Variants in PCDHGB3 observed in about 807,000 individuals in gnomAD.
The protein encoded by PCDHGB3 is protocadherin gamma subfamily B, 3.
PCDHGB3 carries 40 observed loss-of-function variants against 59.2 expected under a neutral mutation model. That is an observed-to-expected ratio of 0.68 (90% CI 0.52 to 0.88). PCDHGB3 has a LOEUF of 0.88. Among genes scored for constraint, PCDHGB3 ranks in the 40% least tolerant of loss-of-function variants. PCDHGB3 has a pLI of 0.00. For missense variants in PCDHGB3, 1,309 were observed against 1,187.9 expected (o/e 1.10, Z -1.50); for synonymous variants, 581 against 503.6 (o/e 1.15, Z -2.06).
Position 141,481,350 on chromosome 5 carries a change from T to C in PCDHGB3, c.2416-13457T>C, listed in dbSNP as rs901892475. Among the ~76,000 whole-genome samples, 4 of 152,248 alleles carry C rather than the reference T, an allele frequency of 2.6e-5. No homozygotes were observed. The South Asian group carries it at 8.3e-4, about 32-fold the overall frequency. On this transcript the variant is annotated intron_variant, in intron 1 of 3. Coordinates refer to ENST00000576222, the MANE Select transcript of PCDHGB3 (RefSeq NM_018924.5). The stretch of plus-strand genomic sequence containing the variant: ...CCTGGACAACTATTATTTAAACATC[T>C]ACAGCTGTTCAATAGATATTGGGTT...
In PCDHGB3 at chr5:141,490,654, C is replaced by A; in HGVS notation, c.2416-4153C>A. On this transcript the variant is annotated intron_variant, in intron 1 of 3. Transcript: ENST00000576222. The surrounding 1 kb of genome is among the most constrained non-coding windows in gnomAD (Gnocchi z 5.4). ...CCTAGAAAACCGGCCTCCGGGCTCC[C>A]TTCTTTGCACTGTGGCTGCCTCAGA... 6.2e-7 allele frequency: 1 copy of A among 1,614,206 alleles called. No individual in the cohort carries two copies. Among genetic ancestry groups the A allele is most frequent in the Non-Finnish European group, 8.5e-7 (1 of 1,180,014 alleles).
In PCDHGB3 at chr5:141,485,701, A is replaced by G. The variant is rs747748476; in HGVS notation, c.2416-9106A>G. The G allele has an allele frequency of 1.9e-6, 3 of 1,614,104 alleles. No homozygotes were observed. Among genetic ancestry groups the G allele is most frequent in the Non-Finnish European group, 2.5e-6 (3 of 1,180,010 alleles). On this transcript the variant is annotated intron_variant, in intron 1 of 3. Transcript: ENST00000576222. The surrounding 1 kb of genome is among the most constrained non-coding windows in gnomAD (Gnocchi z 5.7). ...GCAGCTATAGGCTGAGCTCCAATGAACACTTTGCACTGGATGTGAAGAAGC... is the reference window on the plus strand; with the variant it reads ...GCAGCTATAGGCTGAGCTCCAATGAGCACTTTGCACTGGATGTGAAGAAGC...
At chr5:141,481,472 A>G (rs2099538174) in intron 1 of PCDHGB3, among the ~76,000 whole-genome samples, 1 of 152,246 alleles carries the variant, frequency 6.6e-6, no homozygotes, top group Non-Finnish European at 1.5e-5. Context: ...CCATTGGATT[A>G]TACACTTTAA....
intron 1 of PCDHGB3, chr5:141,418,003 G>T (rs1441842557): frequency 6.2e-7 from 1 of 1,613,798 alleles, no homozygotes; most frequent in Non-Finnish European, 8.5e-7. Context: ...CGGTGGTGGG[G>T]AACCTCGCTA....
intron 1 of PCDHGB3, chr5:141,409,795 G>A (rs764584425): frequency 1.2e-6 from 2 of 1,611,722 alleles, no homozygotes; most frequent in Admixed American, 1.7e-5. Context: ...TCGCGCTCAC[G>A]CTGCAGGCCC....
chr5:141,484,242 A>G (rs995022030), intron 1 of PCDHGB3, among the ~76,000 whole-genome samples: 1 of 152,216 alleles, frequency 6.6e-6, no homozygotes, highest in African/African-American at 2.4e-5. Flanking sequence ...TCTGGTCCTT[A>G]GCACCTCCCA....
At chr5:141,407,117 C>T (rs1412216570) in intron 1 of PCDHGB3, among the ~76,000 whole-genome samples, 1 of 152,098 alleles carries the variant, frequency 6.6e-6, no homozygotes, top group African/African-American at 2.4e-5. Flanking sequence ...ATTTGGGTTT[C>T]AGTTGCTTTA....
intron 1 of PCDHGB3, among the ~76,000 whole-genome samples, chr5:141,442,810 T>C (rs2098345227): frequency 6.6e-6 from 1 of 152,222 alleles, no homozygotes; most frequent in Non-Finnish European, 1.5e-5. Context: ...ATTCAAATTG[T>C]ACTGATCCAA....
At position 141,487,344 on chromosome 5, in the gene PCDHGB3, C is replaced by T. The variant is rs1232854025; in HGVS notation, c.2416-7463C>T. On this transcript the variant is annotated intron_variant, in intron 1 of 3. Coordinates refer to ENST00000576222, the MANE Select transcript of PCDHGB3 (RefSeq NM_018924.5). This position sits in a 1 kb window ranked among gnomAD's most constrained non-coding sequence, Gnocchi z 5.0. ...CTTCGTGGGGCAGCCTGTGGAGTCA[C>T]ATGCTTTCCTGCTGGCACCTGTGCC... 3 of 1,614,208 alleles carry T rather than the reference C, an allele frequency of 1.9e-6. No individual in the cohort carries two copies. The highest frequency in any genetic ancestry group is 3.3e-5 in the Admixed American group (2 of 60,024).
intron 1 of PCDHGB3, chr5:141,422,145 G>A: frequency 1.3e-6 from 2 of 1,580,726 alleles, no homozygotes; most frequent in Non-Finnish European, 8.6e-7. Context: ...AAGTACGGGG[G>A]TCTCTGGATT....
rs774271747 is a variant in PCDHGB3 at position 141,485,866 on chromosome 5, C to A, written c.2416-8941C>A. On this transcript the variant is annotated intron_variant, in intron 1 of 3. Coordinates refer to ENST00000576222, the MANE Select transcript of PCDHGB3 (RefSeq NM_018924.5). The surrounding 1 kb of genome is among the most constrained non-coding windows in gnomAD (Gnocchi z 5.7). Reference sequence around the variant, plus strand: ...CTGGCACCGCAGAGCTCCGGGTATCCGTGCTGGACGTAAACGACAACGCCC... The same window carrying A: ...CTGGCACCGCAGAGCTCCGGGTATCAGTGCTGGACGTAAACGACAACGCCC... 2 of 1,614,144 alleles carry A rather than the reference C, an allele frequency of 1.2e-6. No homozygotes were observed. Among genetic ancestry groups the A allele is most frequent in the South Asian group, 1.1e-5 (1 of 91,074 alleles).
rs1036126623 is a variant in PCDHGB3 at position 141,410,753 on chromosome 5, T to C, written c.2415+37944T>C. The stretch of plus-strand genomic sequence containing the variant: ...AGCTTTTTACAATATTTTCTCAATG[T>C]TTTTTCAATTATAGTTTTCACTATG... On this transcript the variant is annotated intron_variant, in intron 1 of 3. Coordinates refer to ENST00000576222, the MANE Select transcript of PCDHGB3 (RefSeq NM_018924.5). 2.4e-6 allele frequency: 3 copies of C among 1,229,812 alleles called. No homozygotes were observed. In the Admixed American group the frequency reaches 8.8e-5, roughly 36 times the overall value. The allele number at this position is 1,229,812 out of a possible 1,614,324, so 76.2% of individuals were successfully genotyped here. A position where few individuals can be genotyped will look rare whatever the true frequency, so the allele number is the denominator to read the frequency against.
At position 141,491,591 on chromosome 5, in the gene PCDHGB3, G is replaced by A. The variant is rs969259993; in HGVS notation, c.2416-3216G>A. 22 of 1,613,862 alleles carry A rather than the reference G, an allele frequency of 1.4e-5. No individual in the cohort carries two copies. The highest frequency in any genetic ancestry group is 1.8e-5 in the Non-Finnish European group (21 of 1,180,048). ...ACGTGCTTTTCACCGGCCTCGGACG[G>A]CAGTGACTTCACTTTTCTAAGACCC... On this transcript the variant is annotated intron_variant, in intron 1 of 3. Coordinates refer to ENST00000576222, the MANE Select transcript of PCDHGB3 (RefSeq NM_018924.5). This position sits in a 1 kb window ranked among gnomAD's most constrained non-coding sequence, Gnocchi z 6.9.
chr5:141,505,155 C>T (rs2099844224), intron 2 of PCDHGB3, among the ~76,000 whole-genome samples: 1 of 152,162 alleles, frequency 6.6e-6, no homozygotes, highest in Non-Finnish European at 1.5e-5. Context: ...GAGTAAGACC[C>T]TGTCTAAAAC....
chr5:141,394,506 C>G, intron 1 of PCDHGB3: 2 of 1,614,214 alleles, frequency 1.2e-6, no homozygotes, highest in Non-Finnish European at 1.7e-6. Context: ...GATCCTGTAC[C>G]CCGCCCTCCC....
intron 1 of PCDHGB3, chr5:141,376,375 T>G (rs896572311): frequency 8.7e-6 from 14 of 1,614,090 alleles, no homozygotes; most frequent in African/African-American, 2.7e-5. Flanking sequence ...CAGACTCGCG[T>G]AAGAGTCATC....
chr5:141,437,741 CTTT>C (rs35124340), intron 1 of PCDHGB3, among the ~76,000 whole-genome samples: 1 of 141,708 alleles, frequency 7.1e-6, no homozygotes. Context: ...TTGAGTTCAC[CTTT>C]TTTTTTTTTT....
In PCDHGB3 at chr5:141,402,356, T is replaced by C. The variant is rs183915738; in HGVS notation, c.2415+29547T>C. Among the ~76,000 whole-genome samples, 46 of 152,098 alleles carry C rather than the reference T, an allele frequency of 3.0e-4. 1 individual carries two copies. Among genetic ancestry groups the C allele is most frequent in the African/African-American group, 1.0e-3 (43 of 41,550 alleles). On this transcript the variant is annotated intron_variant, in intron 1 of 3. Coordinates refer to ENST00000576222, the MANE Select transcript of PCDHGB3 (RefSeq NM_018924.5). ...TATAGGTATAAAAATTAAAAATGAA[T>C]GTACTTCCAAACAAGATTGCACATA...
At chr5:141,404,482 C>T (rs758102201) in intron 1 of PCDHGB3, 2 of 1,613,594 alleles carry the variant, frequency 1.2e-6, no homozygotes, top group East Asian at 2.2e-5. Context: ...TTAACTCAGA[C>T]ACTGGTGTGC....
Sources: gnomAD v4.1 joint callset for allele counts (sites outside exome capture counted in the v4.1 genomes callset) on GRCh38, gnomAD v4.1.1 for gene constraint, Gnocchi (gnomAD v3.1) non-coding constraint, MANE v1.5 for transcripts, NCBI Gene and HGNC (gene_info 2026-07-23, HGNC 2026-07-21) for gene names.